The following DTYMK variants were observed in gnomAD, a reference collection of about 807,000 sequenced individuals.
DTYMK encodes deoxythymidylate kinase.
A neutral mutation model predicts 20.3 loss-of-function variants in DTYMK; 20 were observed. The ratio of observed to expected loss-of-function variants is 0.99; its 90% CI spans 0.69 to 1.43. The LOEUF (loss-of-function observed/expected upper bound fraction) is 1.43. Ranked by LOEUF, DTYMK falls within the 40% of genes most tolerant of loss-of-function variation. The probability of loss-of-function intolerance (pLI) is 0.00; values close to 1 mark genes in which losing one functional copy is unlikely to be tolerated. For missense variants in DTYMK, 320 were observed against 291.1 expected (o/e 1.10, Z -0.72); for synonymous variants, 148 against 124.4 (o/e 1.19, Z -1.27).
intron 2 of DTYMK, among the ~76,000 whole-genome samples, chr2:241,680,776 C>T (rs766861207): frequency 4.6e-5 from 7 of 152,164 alleles, no homozygotes; most frequent in Admixed American, 2.6e-4. Flanking sequence ...CCAAAAAGGT[C>T]TGGATCTTCT....
chr2:241,676,551 C>G (rs914918909), intron 4 of DTYMK, among the ~76,000 whole-genome samples: 17 of 152,268 alleles, frequency 1.1e-4, no homozygotes, highest in Admixed American at 6.5e-5. Flanking sequence ...CCTCCTGGCA[C>G]ACTGTGGTGA....
chr2:241,678,781 G>T (rs199987295), intron 3 of DTYMK, 132 bp from the exon 4 acceptor site: 4 of 917,674 alleles, frequency 4.4e-6, no homozygotes, highest in Non-Finnish European at 6.2e-6. Flanking sequence ...ATTGTGGCTC[G>T]TTTAATTTTT....
At chr2:241,683,870 C>T (rs948222784) in intron 2 of DTYMK, among the ~76,000 whole-genome samples, 1 of 152,066 alleles carries the variant, frequency 6.6e-6, no homozygotes, top group African/African-American at 2.4e-5. Context: ...CCACCCTGGC[C>T]AACATGGTGA....
intron 2 of DTYMK, among the ~76,000 whole-genome samples, chr2:241,681,737 C>A (rs1575106300): frequency 6.6e-6 from 1 of 152,204 alleles, no homozygotes; most frequent in South Asian, 2.1e-4. Flanking sequence ...GTGAGAGACA[C>A]TGTCAAGAGA....
intron 2 of DTYMK, among the ~76,000 whole-genome samples, chr2:241,684,926 A>G (rs1199267309): frequency 6.6e-6 from 1 of 151,894 alleles, no homozygotes; most frequent in Non-Finnish European, 1.5e-5. Flanking sequence ...CTACTTTTTG[A>G]TCAGTTTTTC....
intron 2 of DTYMK, among the ~76,000 whole-genome samples, chr2:241,683,080 T>C (rs1226274255): frequency 2.6e-5 from 4 of 152,236 alleles, no homozygotes; most frequent in Middle Eastern, 6.8e-3. Context: ...GTTGAGACCC[T>C]GTCCCAAAAA....
At chr2:241,678,429 G>A in intron 4 of DTYMK, 23 bp downstream of exon 4, 1 of 1,613,878 alleles carries the variant, frequency 6.2e-7, no homozygotes, top group South Asian at 1.1e-5. Flanking sequence ...ACGCTTCCTA[G>A]TGTGCAATTC....
At chr2:241,677,284 T>C (rs1193079527) in intron 4 of DTYMK, among the ~76,000 whole-genome samples, 1 of 152,206 alleles carries the variant, frequency 6.6e-6, no homozygotes, top group East Asian at 1.9e-4. Flanking sequence ...CAGATGCCTC[T>C]CACTGGCCAC....
chr2:241,678,546 G>A lies in DTYMK; in HGVS notation c.434C>T (p.Ala145Val), dbSNP rs766664417. ...GTTCTCATAGCGCTCATGGCCAAAC[G>A]CTCCCCGCTTGGCAGCATCCGCCAG... ...LQLADAAKRGAFGHERYENGA... is the reference protein window; with the variant it reads ...LQLADAAKRGVFGHERYENGA... Residue 145 changes from alanine (A) to valine (V), a missense_variant, in exon 4 of 5, where the codon GCG becomes GTG. By Grantham distance (64) the Ala-to-Val change is moderately conservative. Transcript: ENST00000305784. 86 of 1,614,032 alleles carry A rather than the reference G, an allele frequency of 5.3e-5. No individual in the cohort carries two copies. Among genetic ancestry groups the A allele is most frequent in the Non-Finnish European group, 6.9e-5 (82 of 1,180,050 alleles).
At chr2:241,684,644 AAAAC>A in intron 2 of DTYMK, 1 of 422,390 alleles carries the variant, frequency 2.4e-6, no homozygotes, top group Non-Finnish European at 4.8e-6. Flanking sequence ...TTTATGTTAA[AAAAC>A]AAAATTCTAA....
Position 241,678,546 on chromosome 2 carries a change from G to GC in DTYMK, c.433dup (p.Ala145GlyfsTer5). 1 of 1,614,150 alleles carries GC rather than the reference G, an allele frequency of 6.2e-7. No individual in the cohort carries two copies. Among genetic ancestry groups the GC allele is most frequent in the Non-Finnish European group, 8.5e-7 (1 of 1,180,042 alleles). On this transcript the variant is annotated frameshift_variant, in exon 4 of 5. Transcript: ENST00000305784. LOFTEE classifies it high-confidence loss of function. ...GTTCTCATAGCGCTCATGGCCAAACGCTCCCCGCTTGGCAGCATCCGCCAG... is the reference window on the plus strand; with the variant it reads ...GTTCTCATAGCGCTCATGGCCAAACGCCTCCCCGCTTGGCAGCATCCGCCAG...
intron 2 of DTYMK, chr2:241,685,447 C>T (rs80129469): frequency 0.014 from 2,771 of 194,760 alleles, 27 homozygotes; most frequent in Non-Finnish European, 0.02. Context: ...GCAGGAGAAT[C>T]GCTTGAACCT....
At chr2:241,676,258 G>A (rs771729447) in intron 4 of DTYMK, 21 bp from the exon 5 acceptor site, 3 of 1,600,658 alleles carry the variant, frequency 1.9e-6, no homozygotes, top group East Asian at 2.2e-5. Context: ...CGGGGTTTCA[G>A]GAGAAAAAGA....
At chr2:241,681,057 G>C (rs1056013530) in intron 2 of DTYMK, among the ~76,000 whole-genome samples, 6 of 152,144 alleles carry the variant, frequency 3.9e-5, no homozygotes, top group African/African-American at 1.4e-4. Flanking sequence ...CCCTAGCCTG[G>C]ACTGCAAGGA....
chr2:241,682,281 C>T, intron 2 of DTYMK: 1 of 453,404 alleles, frequency 2.2e-6, no homozygotes, highest in Non-Finnish European at 4.4e-6. Context: ...GTCGAGGCTG[C>T]AGTAAGCTGT....
rs2069110017 is a variant in DTYMK, at chr2:241,676,151, C to T, written c.615G>A (p.Lys205=). Reference sequence around the variant, plus strand: ...GTCACTTCCATAGCTCCCCCAGCGGCTTCTCTGTGGCAGTGCGGATGGCGT... The same window carrying T: ...GTCACTTCCATAGCTCCCCCAGCGGTTTCTCTGTGGCAGTGCGGATGGCGT... ...SEDAIRTATE[K]PLGELWK Residue 205 remains lysine (K), a synonymous_variant, in exon 5 of 5, where the codon AAG becomes AAA. Transcript: ENST00000305784. 1 of 1,612,584 alleles carries T rather than the reference C, an allele frequency of 6.2e-7. No homozygotes were observed.
In DTYMK at chr2:241,685,694, G is replaced by C; in HGVS notation, c.239+75C>G. ...ACTACTGTCACTGTCATTCAGAATCGAGTGCTGCGTTCACTGAATCTCAGG... is the reference window on the plus strand; with the variant it reads ...ACTACTGTCACTGTCATTCAGAATCCAGTGCTGCGTTCACTGAATCTCAGG... On this transcript the variant is annotated intron_variant, in intron 2 of 4. Transcript: ENST00000305784. 1.0e-5 allele frequency: 15 copies of C among 1,428,956 alleles called. No individual in the cohort carries two copies. In the South Asian group the frequency reaches 1.7e-4, roughly 17 times the overall value. The allele number at this position is 1,428,956 out of a possible 1,614,324, so 88.5% of individuals were successfully genotyped here.
intron 2 of DTYMK, among the ~76,000 whole-genome samples, chr2:241,683,868 G>A (rs915416413): frequency 1.3e-5 from 2 of 152,098 alleles, no homozygotes; most frequent in African/African-American, 4.8e-5. Flanking sequence ...GACCACCCTG[G>A]CCAACATGGT....
chr2:241,684,556 A>G (rs981063382), intron 2 of DTYMK, among the ~76,000 whole-genome samples: 6 of 152,250 alleles, frequency 3.9e-5, no homozygotes, highest in African/African-American at 1.4e-4. Context: ...GGGCAGAGTT[A>G]GGGGATCTGT....
Sources: gnomAD v4.1 joint callset for allele counts (sites outside exome capture counted in the v4.1 genomes callset) on GRCh38, gnomAD v4.1.1 for gene constraint, MANE v1.5 for transcripts, NCBI Gene and HGNC (gene_info 2026-07-23, HGNC 2026-07-21) for gene names.